Variants in EXOC4 observed in about 807,000 individuals in gnomAD.
EXOC4 encodes the protein SEC8-like 1.
Under a neutral mutation model 107.2 loss-of-function variants are expected in EXOC4, and 71 were observed. The ratio of observed to expected loss-of-function variants is 0.66; its 90% CI spans 0.55 to 0.81. The LOEUF is 0.81. EXOC4 is among the 30% of genes least tolerant of loss of function. The pLI, the probability that EXOC4 is intolerant of heterozygous loss-of-function variation, is 0.00. For missense variants in EXOC4, 1,108 were observed against 1,189.6 expected (o/e 0.93, Z 1.01); for synonymous variants, 456 against 441.2 (o/e 1.03, Z -0.42).
chr7:133,569,459 T>C (rs1338654973), intron 9 of EXOC4, among the ~76,000 whole-genome samples: 1 of 152,194 alleles, frequency 6.6e-6, no homozygotes, highest in African/African-American at 2.4e-5. Context: ...ACAGTTCCCA[T>C]GTTAGGTACA....
At chr7:133,860,000 A>G (rs2116333260) in intron 11 of EXOC4, among the ~76,000 whole-genome samples, 1 of 152,316 alleles carries the variant, frequency 6.6e-6, no homozygotes, top group Non-Finnish European at 1.5e-5. Flanking sequence ...AACATCTGGA[A>G]TGTTTGTTTC....
chr7:133,354,179 C>G (rs555965704), intron 5 of EXOC4, among the ~76,000 whole-genome samples: 79 of 151,520 alleles, frequency 5.2e-4, no homozygotes, highest in Non-Finnish European at 9.6e-4. Flanking sequence ...TTGAATGGGC[C>G]ATATTTGCCT....
chr7:133,775,773 A>G (rs2151167125), intron 10 of EXOC4, among the ~76,000 whole-genome samples: 1 of 152,282 alleles, frequency 6.6e-6, no homozygotes, highest in Middle Eastern at 3.4e-3. Context: ...AGTTGGACTG[A>G]TTTCGCACTT....
chr7:133,845,335 A>AGTGT (rs34845137), intron 11 of EXOC4, among the ~76,000 whole-genome samples: 2,646 of 137,992 alleles, frequency 0.019, 56 homozygotes, highest in East Asian at 0.059. Flanking sequence ...GCAGGTTAGT[A>AGTGT]GTGTGTGTGT....
At chr7:133,926,188 A>G (rs1417132221) in intron 13 of EXOC4, among the ~76,000 whole-genome samples, 1 of 152,186 alleles carries the variant, frequency 6.6e-6, no homozygotes, top group East Asian at 1.9e-4. Flanking sequence ...CATATGAGGA[A>G]ACTGAGGTGC....
chr7:133,917,869 G>A, intron 13 of EXOC4, 131 bp downstream of exon 13: 1 of 858,484 alleles, frequency 1.2e-6, no homozygotes, highest in Non-Finnish European at 1.7e-6. Flanking sequence ...AGTAAAATAT[G>A]TTTTCCTCCT....
At chr7:133,667,139 C>T (rs766466938) in intron 10 of EXOC4, among the ~76,000 whole-genome samples, 14 of 152,146 alleles carry the variant, frequency 9.2e-5, no homozygotes, top group Non-Finnish European at 1.3e-4. Context: ...TAGCTATATC[C>T]AGTTTTATTG....
intron 14 of EXOC4, among the ~76,000 whole-genome samples, chr7:133,987,675 T>G (rs1430295510): frequency 6.6e-6 from 1 of 152,226 alleles, no homozygotes; most frequent in Non-Finnish European, 1.5e-5. Flanking sequence ...TCACTGTCTT[T>G]TTCTATCTTC....
intron 7 of EXOC4, among the ~76,000 whole-genome samples, chr7:133,411,981 C>T (rs1046439385): frequency 5.3e-5 from 8 of 152,056 alleles, no homozygotes; most frequent in African/African-American, 1.9e-4. Flanking sequence ...ATCATTATAA[C>T]AAAGCAATTT....
Position 133,288,934 on chromosome 7 carries a change from C to G in EXOC4, c.289C>G (p.Leu97Val). ...RNKIKQVKEN[L>V]LSCKMLLHCK... The stretch of plus-strand genomic sequence containing the variant: ...TGTTTTATTGTAGGTAAAAGAGAAC[C>G]TGCTTTCATGCAAGATGCTGCTGCA... Residue 97 changes from leucine to valine, a missense_variant, in exon 3 of 18, where the codon CTG (leucine) becomes GTG (valine). Coordinates refer to ENST00000253861, the MANE Select transcript of EXOC4 (RefSeq NM_021807.4). 2 of 1,614,084 alleles carry G rather than the reference C, an allele frequency of 1.2e-6. No homozygotes were observed. Among genetic ancestry groups the G allele is most frequent in the Non-Finnish European group, 1.7e-6 (2 of 1,179,944 alleles).
chr7:133,402,881 ATTTTTTT>A (rs956173651), intron 7 of EXOC4, among the ~76,000 whole-genome samples: 11 of 114,940 alleles, frequency 9.6e-5, no homozygotes, highest in South Asian at 2.8e-4. Flanking sequence ...AGAGCCTAAT[ATTTTTTT>A]TTTTTTTTTT....
chr7:133,677,784 A>G (rs1794096950), intron 10 of EXOC4, among the ~76,000 whole-genome samples: 1 of 99,004 alleles, frequency 1.0e-5, no homozygotes, highest in Admixed American at 1.3e-4. Context: ...TATCATTAGA[A>G]GGCATCACTT....
At chr7:133,341,050 C>G (rs1341773198) in intron 5 of EXOC4, among the ~76,000 whole-genome samples, 1 of 151,776 alleles carries the variant, frequency 6.6e-6, no homozygotes, top group Non-Finnish European at 1.5e-5. Context: ...CTGCACTGAT[C>G]TTGGTTGTTT....
rs760091384 is a variant in EXOC4 at position 133,374,888 on chromosome 7, C to T, written c.1068C>T (p.His356=). Residue 356 remains histidine (H), a synonymous_variant, in exon 7 of 18, where the codon CAC becomes CAT. Transcript: ENST00000253861. ...AGTTTAATGCTGTAGCCGCTGCACA[C>T]TCTGTGGTCCTGGGATACCTGCAGG... ...FDKFNAVAAA[H]SVVLGYLQDT... The T allele has an allele frequency of 6.2e-7, 1 of 1,614,044 alleles. No homozygotes were observed. The highest frequency in any genetic ancestry group is 8.5e-7 in the Non-Finnish European group (1 of 1,179,930).
At chr7:133,401,742 T>C (rs960275598) in intron 7 of EXOC4, among the ~76,000 whole-genome samples, 1 of 152,092 alleles carries the variant, frequency 6.6e-6, no homozygotes, top group African/African-American at 2.4e-5. Flanking sequence ...AAGTAGTCTA[T>C]ACAGTGATTT....
At chr7:133,319,577 C>T (rs1459827850) in intron 5 of EXOC4, among the ~76,000 whole-genome samples, 1 of 152,112 alleles carries the variant, frequency 6.6e-6, no homozygotes, top group Non-Finnish European at 1.5e-5. Flanking sequence ...GCAACCTCCT[C>T]CTTCTGGGCT....
rs1182057300 is a variant in EXOC4, at chr7:133,376,807, A to G, written c.1182+1805A>G. Reference sequence around the variant, plus strand: ...CACACCTTATGAGTAGGGCTATTCTAGGAGTAGAAGACAGGCTACTATAGA... The same window carrying G: ...CACACCTTATGAGTAGGGCTATTCTGGGAGTAGAAGACAGGCTACTATAGA... On this transcript the variant is annotated intron_variant, in intron 7 of 17. Coordinates refer to ENST00000253861, the MANE Select transcript of EXOC4 (RefSeq NM_021807.4). 2.0e-5 allele frequency among the ~76,000 whole-genome samples: 3 copies of G among 152,200 alleles called. No homozygotes were observed. The East Asian group carries it at 5.8e-4, about 29-fold the overall frequency.
Position 133,656,381 on chromosome 7 carries a change from AT to A in EXOC4, c.1514+26241del, listed in dbSNP as rs1282459626. 1.2e-4 allele frequency among the ~76,000 whole-genome samples: 18 copies of A among 152,008 alleles called. 1 individual carries two copies. Among genetic ancestry groups the A allele is most frequent in the African/African-American group, 4.3e-4 (18 of 41,492 alleles). ...ATCTTATAAAGCATCCACAGTATGT[AT>A]GTATGTATGTATATCTGTGTGTGTG... On this transcript the variant is annotated intron_variant, in intron 10 of 17. Coordinates refer to ENST00000253861, the MANE Select transcript of EXOC4 (RefSeq NM_021807.4).
At chr7:133,742,359 T>TA (rs1000829235) in intron 10 of EXOC4, among the ~76,000 whole-genome samples, 2 of 152,188 alleles carry the variant, frequency 1.3e-5, no homozygotes, top group Non-Finnish European at 2.9e-5. Flanking sequence ...CTTTAAAAGA[T>TA]ACAGTAAAAC....
Sources: allele counts gnomAD v4.1 joint callset (sites outside exome capture counted in the v4.1 genomes callset), GRCh38; gene constraint gnomAD v4.1.1; transcripts MANE v1.5; gene names NCBI Gene and HGNC (gene_info 2026-07-23, HGNC 2026-07-21).